The following MVK variants were observed in gnomAD, a reference collection of about 807,000 sequenced individuals.
The protein encoded by MVK is mevalonate kinase.
MVK carries 34 observed loss-of-function variants against 43.2 expected under a neutral mutation model. That is an observed-to-expected ratio of 0.79 (90% confidence interval 0.60 to 1.05). The LOEUF (loss-of-function observed/expected upper bound fraction) is 1.05. Among genes scored for constraint, MVK ranks in the 50% least tolerant of loss-of-function variants. The probability of loss-of-function intolerance (pLI) is 0.00; values close to 1 mark genes in which losing one functional copy is unlikely to be tolerated. For synonymous variants in MVK, 190 were observed against 219.8 expected, an observed-to-expected ratio of 0.86 and a Z score of 1.20; for missense variants, 395 against 504.0, an observed-to-expected ratio of 0.78 and a Z score of 2.07.
chr12:109,581,427 C>G lies in MVK; in HGVS notation c.404C>G (p.Ser135Trp). The G allele has an allele frequency of 6.2e-7, 1 of 1,614,076 alleles. No homozygotes were observed. ...CCGAGCCTGGATATCGTAGTGTGGT[C>G]GGAGCTGCCCCCCGGGGCGGGCTTG... ...ALPSLDIVVW[S>W]ELPPGAGLGS... is the part of the protein sequence containing the mutation. Residue 135 changes from serine (S) to tryptophan (W), a missense_variant, in exon 5 of 11, where the codon TCG becomes TGG. Ser to Trp is a radical substitution (Grantham distance 177). Coordinates refer to ENST00000228510, the MANE Select transcript of MVK (RefSeq NM_000431.4).
chr12:109,596,630 T>G lies in MVK; in HGVS notation c.*53T>G. 30 of 1,581,050 alleles carry G rather than the reference T, an allele frequency of 1.9e-5. No homozygotes were observed. Among genetic ancestry groups the G allele is most frequent in the Non-Finnish European group, 2.1e-5 (24 of 1,165,822 alleles). On this transcript the variant is annotated 3_prime_UTR_variant, in exon 11 of 11. Transcript: ENST00000228510. ...CCAGATGCCCCTTTCTGGATTATTC[T>G]GGGGGCTGCAGTTCGACTCTGTGCT...
chr12:109,592,076 T>C (rs1885708704), intron 9 of MVK, among the ~76,000 whole-genome samples: 1 of 152,172 alleles, frequency 6.6e-6, no homozygotes, highest in African/African-American at 2.4e-5. Context: ...AAACTCTGTC[T>C]CTACAAAAAA....
At chr12:109,575,070 G>T (rs911083196) in intron 2 of MVK, among the ~76,000 whole-genome samples, 170 bp downstream of exon 2, 2 of 152,122 alleles carry the variant, frequency 1.3e-5, no homozygotes, top group Non-Finnish European at 1.5e-5. Flanking sequence ...AGGGATTCTT[G>T]GGCCTCGCTC....
In MVK at chr12:109,581,359, C is replaced by T. The variant is rs867050904; in HGVS notation, c.372-36C>T. Reference sequence around the variant, plus strand: ...TCAGTGCTGGCACCCCACTGCCCTGCGGGAGAGTCACGTTTCACACCCTGG... The same window carrying T: ...TCAGTGCTGGCACCCCACTGCCCTGTGGGAGAGTCACGTTTCACACCCTGG... On this transcript the variant is annotated intron_variant, in intron 4 of 10. Coordinates refer to ENST00000228510, the MANE Select transcript of MVK (RefSeq NM_000431.4). The T allele has an allele frequency of 3.7e-5, 60 of 1,612,090 alleles. No individual in the cohort carries two copies. The Middle Eastern group carries it at 6.1e-4, about 16-fold the overall frequency.
chr12:109,587,030 C>T (rs1885464267), intron 7 of MVK: 1 of 564,532 alleles, frequency 1.8e-6, no homozygotes, highest in Non-Finnish European at 3.2e-6. Flanking sequence ...AAGGGAAAGT[C>T]ATGCATGGCT....
intron 5 of MVK, among the ~76,000 whole-genome samples, chr12:109,584,742 A>G (rs575859968): frequency 3.9e-5 from 6 of 152,052 alleles, no homozygotes; most frequent in African/African-American, 1.4e-4. Context: ...AACATTAGCC[A>G]GGCGTGGTGG....
intron 9 of MVK, among the ~76,000 whole-genome samples, chr12:109,591,841 G>T (rs1427179125): frequency 6.6e-6 from 1 of 152,156 alleles, no homozygotes; most frequent in African/African-American, 2.4e-5. Context: ...ACTGCCATTT[G>T]CATAATTCTA....
At chr12:109,579,213 C>T (rs1343969189) in intron 3 of MVK, 1 of 446,880 alleles carries the variant, frequency 2.2e-6, no homozygotes, top group Admixed American at 2.4e-5. Flanking sequence ...GACCACAGCT[C>T]ACTGTTTCTT....
At chr12:109,573,476 G>A (rs1455449419), upstream of MVK, 55 of 1,603,248 alleles carry the variant, frequency 3.4e-5, no homozygotes, top group Non-Finnish European at 4.7e-5. Flanking sequence ...GCCGCACACA[G>A]CCATGAGCCA....
chr12:109,581,625 T>A, intron 5 of MVK, 75 bp downstream of exon 5: 1 of 1,599,710 alleles, frequency 6.3e-7, no homozygotes, highest in Non-Finnish European at 8.6e-7. Context: ...CACTGAGACC[T>A]CACCACCTCC....
At chr12:109,574,998 G>A in intron 2 of MVK, 98 bp downstream of exon 2, 4 of 1,211,454 alleles carry the variant, frequency 3.3e-6, no homozygotes, top group Non-Finnish European at 4.8e-6. Flanking sequence ...CAGCTTGGGA[G>A]CAGATCAGAG....
chr12:109,583,312 T>A (rs1467686807), intron 5 of MVK, among the ~76,000 whole-genome samples: 1 of 152,016 alleles, frequency 6.6e-6, no homozygotes, highest in East Asian at 1.9e-4. Context: ...TGTGTTCTCA[T>A]TGTTCAATTC....
At chr12:109,589,260 A>G (rs548939793) in intron 7 of MVK, 2 of 152,278 alleles carry the variant, frequency 1.3e-5, no homozygotes, top group Non-Finnish European at 2.9e-5. Context: ...GGACTTGTCT[A>G]AGAAAGATGA....
intron 5 of MVK, among the ~76,000 whole-genome samples, chr12:109,582,970 G>A (rs1159802666): frequency 1.3e-5 from 2 of 152,034 alleles, no homozygotes; most frequent in Non-Finnish European, 2.9e-5. Context: ...CCCCGCCCCA[G>A]CCCCCAGCAA....
chr12:109,584,095 G>A (rs906927122), intron 5 of MVK, among the ~76,000 whole-genome samples: 24 of 152,262 alleles, frequency 1.6e-4, no homozygotes, highest in African/African-American at 4.3e-4. Context: ...CTCAGTTTCC[G>A]TTTCTGTAAG....
chr12:109,591,024 C>T (rs999895973), intron 8 of MVK, among the ~76,000 whole-genome samples, 163 bp downstream of exon 8: 2 of 152,232 alleles, frequency 1.3e-5, no homozygotes, highest in Admixed American at 6.5e-5. Context: ...CGTCCGTGCC[C>T]GTAGCCTGGC....
At chr12:109,579,232 T>G (rs1316033288) in intron 3 of MVK, 1 of 446,320 alleles carries the variant, frequency 2.2e-6, no homozygotes, top group South Asian at 1.6e-5. Context: ...TTCAACCTCC[T>G]GGGCTCAAGC....
chr12:109,584,616 G>A (rs901833221), intron 5 of MVK, among the ~76,000 whole-genome samples: 4 of 152,202 alleles, frequency 2.6e-5, no homozygotes, highest in Admixed American at 1.3e-4. Flanking sequence ...TGGGCACGGT[G>A]GCTCACGCCT....
chr12:109,576,179 G>C (rs1884945336), intron 3 of MVK, 34 bp downstream of exon 3: 1 of 1,613,494 alleles, frequency 6.2e-7, no homozygotes, highest in Admixed American at 1.7e-5. Flanking sequence ...GGTGTGCTAA[G>C]AGCCTACAGA....
Sources: gnomAD v4.1 joint callset for allele counts (sites outside exome capture counted in the v4.1 genomes callset) on GRCh38, gnomAD v4.1.1 for gene constraint, MANE v1.5 for transcripts, NCBI Gene and HGNC (gene_info 2026-07-23, HGNC 2026-07-21) for gene names.